RELL1: variants seen among roughly 807,000 people sequenced by gnomAD.
The protein encoded by RELL1 is RELT like 1.
In RELL1, 10 loss-of-function variants were observed where a neutral mutation model predicts 23.0. That is an observed-to-expected ratio of 0.43 (90% CI 0.27 to 0.74). The LOEUF is 0.74. Ranked by LOEUF, RELL1 falls within the 30% of genes least tolerant of loss-of-function variation. The pLI is 0.19. For missense variants in RELL1, 315 were observed against 364.4 expected (o/e 0.86, Z 1.10); for synonymous variants, 146 against 146.8 (o/e 0.99, Z 0.04).
intron 1 of RELL1, among the ~76,000 whole-genome samples, chr4:37,667,080 C>T (rs1240157202): frequency 2.0e-5 from 3 of 151,998 alleles, no homozygotes; most frequent in Non-Finnish European, 4.4e-5. Flanking sequence ...TCAGAAAAGG[C>T]AAACGAAGGA....
At chr4:37,598,056 A>G (rs886134112) in intron 6 of RELL1, among the ~76,000 whole-genome samples, 2 of 115,530 alleles carry the variant, frequency 1.7e-5, no homozygotes, top group Non-Finnish European at 3.6e-5. Flanking sequence ...ATATAAAATG[A>G]TATGTAATAT....
intron 1 of RELL1, chr4:37,665,323 T>C: frequency 6.6e-6 from 3 of 456,284 alleles, no homozygotes; most frequent in South Asian, 3.1e-5. Context: ...TTCTGAAGGA[T>C]GTAAATATAC....
intron 6 of RELL1, among the ~76,000 whole-genome samples, chr4:37,629,523 T>G (rs898608714): frequency 9.9e-5 from 15 of 152,210 alleles, no homozygotes; most frequent in African/African-American, 3.6e-4. Context: ...CATCCTCTTC[T>G]TAAATTCCTC....
chr4:37,649,075 G>A (rs1720802711), intron 2 of RELL1, among the ~76,000 whole-genome samples: 1 of 152,224 alleles, frequency 6.6e-6, no homozygotes, highest in African/African-American at 2.4e-5. Flanking sequence ...AAGAAAGGGT[G>A]CCCTATCTGG....
intron 4 of RELL1, among the ~76,000 whole-genome samples, chr4:37,636,146 C>T (rs151145929): frequency 5.7e-4 from 87 of 152,316 alleles, no homozygotes; most frequent in African/African-American, 2.0e-3. Context: ...CAAGATCACA[C>T]TGCAAATAAG....
rs1721616048 is a variant in RELL1, at chr4:37,668,351, G to C, written c.88+17849C>G. ...CTGCCTCAGCCTGCCGAGTGCCTGCGATTGTAGGCCCGCGCCGCCACGCCT... is the reference window on the plus strand; with the variant it reads ...CTGCCTCAGCCTGCCGAGTGCCTGCCATTGTAGGCCCGCGCCGCCACGCCT... On this transcript the variant is annotated intron_variant, in intron 1 of 6. Coordinates refer to ENST00000454158, the MANE Select transcript of RELL1 (RefSeq NM_001085400.2). Among the ~76,000 whole-genome samples the C allele has an allele frequency of 2.6e-5, 4 of 152,294 alleles. No homozygotes were observed. The South Asian group carries it at 8.3e-4, about 32-fold the overall frequency.
At chr4:37,682,541 C>T (rs1722259398) in intron 1 of RELL1, among the ~76,000 whole-genome samples, 1 of 152,170 alleles carries the variant, frequency 6.6e-6, no homozygotes, top group Non-Finnish European at 1.5e-5. Flanking sequence ...CATTCAAATT[C>T]AACTCTTCAA....
intron 1 of RELL1, among the ~76,000 whole-genome samples, chr4:37,654,027 G>T (rs1036928705): frequency 1.3e-5 from 2 of 152,146 alleles, no homozygotes; most frequent in African/African-American, 2.4e-5. Context: ...GGGGTTATTT[G>T]TCATACAGCA....
intron 4 of RELL1, among the ~76,000 whole-genome samples, chr4:37,636,418 A>T (rs1720330564): frequency 6.6e-6 from 1 of 151,868 alleles, no homozygotes; most frequent in Admixed American, 6.6e-5. Context: ...ACACAATGAA[A>T]CCCCATCTCT....
At chr4:37,654,799 T>C (rs1448220193) in intron 1 of RELL1, among the ~76,000 whole-genome samples, 1 of 152,242 alleles carries the variant, frequency 6.6e-6, no homozygotes, top group Non-Finnish European at 1.5e-5. Flanking sequence ...GAAAACACTA[T>C]GATCCAATAT....
intron 6 of RELL1, among the ~76,000 whole-genome samples, chr4:37,598,125 AACT>A (rs1414453409): frequency 7.1e-6 from 1 of 141,736 alleles, no homozygotes; most frequent in East Asian, 2.0e-4. Flanking sequence ...TTCTGCAAAT[AACT>A]GCATTAGTCA....
Position 37,635,113 on chromosome 4 carries a change from G to T in RELL1, c.454C>A (p.Pro152Thr). Residue 152 changes from proline to threonine, a missense_variant, in exon 5 of 7, where the codon CCC becomes ACC. Physicochemically the swap from Pro to Thr is conservative, Grantham distance 38 (BLOSUM62 -1). Transcript: ENST00000454158. ...SLYDPESPVTPSTPGSPPVSP... is the reference protein window; with the variant it reads ...SLYDPESPVTTSTPGSPPVSP... ...ACTGGCGGGCTCCCTGGTGTGCTGGGGGTCACGGGGCTAATGTGGGGAGGA... is the reference window on the plus strand; with the variant it reads ...ACTGGCGGGCTCCCTGGTGTGCTGGTGGTCACGGGGCTAATGTGGGGAGGA... 2 of 1,614,108 alleles carry T rather than the reference G, an allele frequency of 1.2e-6. No homozygotes were observed. Among genetic ancestry groups the T allele is most frequent in the Non-Finnish European group, 1.7e-6 (2 of 1,179,990 alleles).
intron 6 of RELL1, among the ~76,000 whole-genome samples, chr4:37,618,497 C>T (rs189604593): frequency 1.3e-4 from 20 of 152,232 alleles, no homozygotes; most frequent in Non-Finnish European, 2.5e-4. Flanking sequence ...CTCAGCCTCC[C>T]GAACTGCTGG....
At chr4:37,618,135 T>C (rs1032693118) in intron 6 of RELL1, among the ~76,000 whole-genome samples, 3 of 152,134 alleles carry the variant, frequency 2.0e-5, no homozygotes, top group African/African-American at 4.8e-5. Context: ...AACTGGAATA[T>C]TTTATAACTT....
At chr4:37,622,156 C>A (rs1163551141) in intron 6 of RELL1, among the ~76,000 whole-genome samples, 1 of 152,172 alleles carries the variant, frequency 6.6e-6, no homozygotes, top group South Asian at 2.1e-4. Flanking sequence ...AAGACAAAAT[C>A]TCAACAGTCA....
At chr4:37,627,450 G>A (rs1403598307) in intron 6 of RELL1, among the ~76,000 whole-genome samples, 2 of 152,154 alleles carry the variant, frequency 1.3e-5, no homozygotes, top group African/African-American at 2.4e-5. Context: ...GCAGAAAAAA[G>A]ACCATTTTAA....
At chr4:37,683,592 A>G (rs1471286363) in intron 1 of RELL1, among the ~76,000 whole-genome samples, 1 of 151,868 alleles carries the variant, frequency 6.6e-6, no homozygotes, top group Non-Finnish European at 1.5e-5. Flanking sequence ...CCCCGATTCT[A>G]CTAAAAAATA....
intron 6 of RELL1, among the ~76,000 whole-genome samples, chr4:37,596,736 ATTTTTTTTT>A (rs1178565372): frequency 2.7e-3 from 45 of 16,472 alleles, no homozygotes; most frequent in African/African-American, 5.8e-3. Context: ...ATATATATAT[ATTTTTTTTT>A]TTTTTTTTTT....
At chr4:37,639,362 C>T (rs191720692) in intron 3 of RELL1, among the ~76,000 whole-genome samples, 56 of 113,530 alleles carry the variant, frequency 4.9e-4, no homozygotes, top group Middle Eastern at 9.3e-3. Context: ...CCAGCCTGGG[C>T]GATGAAGCGA....
Sources: allele counts gnomAD v4.1 joint callset (sites outside exome capture counted in the v4.1 genomes callset), GRCh38; gene constraint gnomAD v4.1.1; transcripts MANE v1.5; gene names NCBI Gene and HGNC (gene_info 2026-07-23, HGNC 2026-07-21).